Variants in CHST9 observed in about 807,000 individuals in gnomAD.
The protein encoded by CHST9 is carbohydrate sulfotransferase 9.
Under a neutral mutation model 44.4 loss-of-function variants are expected in CHST9, and 41 were observed. The observed-to-expected ratio is 0.92, with a 90% CI of 0.72 to 1.20. CHST9 has a LOEUF of 1.20. Among genes scored for constraint, CHST9 ranks in the 50% most tolerant of loss-of-function variants. The pLI is 0.00. For missense variants in CHST9, 504 were observed against 516.5 expected, an observed-to-expected ratio of 0.98 and a Z score of 0.23; for synonymous variants, 171 against 178.4, an observed-to-expected ratio of 0.96 and a Z score of 0.33.
intron 4 of CHST9, among the ~76,000 whole-genome samples, chr18:26,983,565 C>T (rs2056719123): frequency 1.3e-5 from 2 of 152,186 alleles, no homozygotes; most frequent in South Asian, 4.1e-4. Context: ...CGTGTATAGC[C>T]TGCAGAGCCA....
chr18:27,147,726 C>T (rs943982139), intron 1 of CHST9: 1 of 152,336 alleles, frequency 6.6e-6, no homozygotes, highest in Non-Finnish European at 1.5e-5. Context: ...TCCATCAACA[C>T]CTCCCCAGTC....
intron 1 of CHST9, among the ~76,000 whole-genome samples, chr18:27,146,394 C>T (rs989976162): frequency 6.6e-6 from 1 of 152,060 alleles, no homozygotes. Context: ...CCAACGTTGG[C>T]GTTAGGAAAT....
intron 2 of CHST9, among the ~76,000 whole-genome samples, chr18:27,081,824 T>A (rs1393987852): frequency 1.3e-5 from 2 of 152,342 alleles, no homozygotes; most frequent in East Asian, 3.9e-4. Context: ...CTATCTTGTT[T>A]GCAAAGTGGA....
chr18:27,176,939 G>A (rs1294889378), intron 1 of CHST9, among the ~76,000 whole-genome samples: 1 of 152,052 alleles, frequency 6.6e-6, no homozygotes, highest in African/African-American at 2.4e-5. Context: ...ATAGGTTGAA[G>A]TTACAAAAGT....
intron 1 of CHST9, among the ~76,000 whole-genome samples, chr18:27,167,153 G>A (rs2058797106): frequency 2.0e-5 from 3 of 152,142 alleles, no homozygotes; most frequent in Admixed American, 1.3e-4. Context: ...CAGAAGAAAG[G>A]TCAGAGTGAT....
intron 2 of CHST9, among the ~76,000 whole-genome samples, chr18:27,109,756 T>C (rs1404634239): frequency 6.6e-6 from 1 of 152,182 alleles, no homozygotes; most frequent in Non-Finnish European, 1.5e-5. Context: ...ATTATAAAAT[T>C]GGTTCCGACA....
intron 1 of CHST9, among the ~76,000 whole-genome samples, chr18:27,167,381 A>G (rs1303997378): frequency 6.6e-6 from 1 of 152,146 alleles, no homozygotes; most frequent in African/African-American, 2.4e-5. Flanking sequence ...TGGGCCCTCC[A>G]TGCCCATCTC....
chr18:27,123,013 G>A (rs554100694), intron 2 of CHST9, among the ~76,000 whole-genome samples: 2 of 152,270 alleles, frequency 1.3e-5, no homozygotes, highest in South Asian at 4.2e-4. Context: ...GCTACTAAAT[G>A]GGTGTTCTTG....
chr18:27,057,319 T>C (rs746140829), intron 2 of CHST9, among the ~76,000 whole-genome samples: 2 of 152,204 alleles, frequency 1.3e-5, no homozygotes, highest in African/African-American at 2.4e-5. Context: ...CTGGGCCAAT[T>C]TGAAAACCAA....
At chr18:27,143,589 C>T (rs996421742) in intron 1 of CHST9, among the ~76,000 whole-genome samples, 8 of 138,042 alleles carry the variant, frequency 5.8e-5, no homozygotes, top group African/African-American at 2.0e-4. Context: ...TAACCTTAAC[C>T]TTTTATTTTT....
chr18:27,143,073 G>A, intron 1 of CHST9, 168 bp from the exon 2 acceptor site: 1 of 246,278 alleles, frequency 4.1e-6, no homozygotes, highest in Non-Finnish European at 7.7e-6. Flanking sequence ...ATTTTCTATT[G>A]CATACTTTTA....
intron 2 of CHST9, among the ~76,000 whole-genome samples, chr18:27,118,110 T>C (rs1365891047): frequency 6.6e-6 from 1 of 152,240 alleles, no homozygotes; most frequent in African/African-American, 2.4e-5. Context: ...GGTATTTTAC[T>C]GTTTTAATTT....
chr18:27,012,081 C>CT (rs2145247539), intron 4 of CHST9, among the ~76,000 whole-genome samples: 1 of 152,322 alleles, frequency 6.6e-6, no homozygotes, highest in East Asian at 1.9e-4. Context: ...TGCCCAGACT[C>CT]TGATGCCACT....
chr18:26,994,923 T>C (rs950295819), intron 4 of CHST9, among the ~76,000 whole-genome samples: 3 of 152,044 alleles, frequency 2.0e-5, no homozygotes, highest in South Asian at 2.1e-4. Flanking sequence ...AAGTAGTATA[T>C]AGCAGAGTGA....
intron 2 of CHST9, among the ~76,000 whole-genome samples, chr18:27,128,850 T>G (rs1355428338): frequency 6.6e-6 from 1 of 152,242 alleles, no homozygotes; most frequent in Non-Finnish European, 1.5e-5. Context: ...AGGTAGTGAC[T>G]ACACCAAAGA....
intron 4 of CHST9, among the ~76,000 whole-genome samples, chr18:26,994,027 A>G (rs1221664085): frequency 6.6e-6 from 1 of 152,100 alleles, no homozygotes; most frequent in Non-Finnish European, 1.5e-5. Context: ...TACAGATTTG[A>G]TGTCTCTCTT....
At chr18:27,003,525 A>C (rs2056977575) in intron 4 of CHST9, among the ~76,000 whole-genome samples, 1 of 152,178 alleles carries the variant, frequency 6.6e-6, no homozygotes, top group Admixed American at 6.6e-5. Context: ...TTCCGCAGAT[A>C]GGGTGTATAA....
intron 2 of CHST9, among the ~76,000 whole-genome samples, chr18:27,122,077 T>A (rs1319129213): frequency 6.6e-6 from 1 of 152,148 alleles, no homozygotes; most frequent in Non-Finnish European, 1.5e-5. Context: ...AGCAGGAGTA[T>A]GGATAAGAGA....
intron 2 of CHST9, among the ~76,000 whole-genome samples, chr18:27,090,297 G>A (rs575833845): frequency 1.6e-4 from 25 of 152,102 alleles, no homozygotes; most frequent in East Asian, 3.9e-4. Context: ...GGGGTTGTTC[G>A]TTTTTTTCTT....
Sources: gnomAD v4.1 joint callset for allele counts (sites outside exome capture counted in the v4.1 genomes callset) on GRCh38, gnomAD v4.1.1 for gene constraint, MANE v1.5 for transcripts, NCBI Gene and HGNC (gene_info 2026-07-23, HGNC 2026-07-21) for gene names.